FREM2: variants seen among roughly 807,000 people sequenced by gnomAD.
The protein encoded by FREM2 is FRAS1 related extracellular matrix 2, also known as FRAS1-related extracellular matrix protein 2.
Under a neutral mutation model 219.9 loss-of-function variants are expected in FREM2, and 119 were observed. The ratio of observed to expected loss-of-function variants is 0.54; its 90% CI spans 0.47 to 0.63. The LOEUF (loss-of-function observed/expected upper bound fraction) is 0.63, where lower values mean the gene tolerates loss of function less well. Ranked by LOEUF, FREM2 falls within the 30% of genes least tolerant of loss-of-function variation. FREM2 has a pLI of 0.00. For missense variants in FREM2, 4,030 were observed against 3,993.6 expected, an observed-to-expected ratio of 1.01 and a Z score of -0.25; for synonymous variants, 1,562 against 1,522.8, an observed-to-expected ratio of 1.03 and a Z score of -0.60.
intron 2 of FREM2, among the ~76,000 whole-genome samples, chr13:38,703,365 T>A (rs181298832): frequency 4.1e-4 from 62 of 152,294 alleles, no homozygotes; most frequent in South Asian, 1.5e-3. Context: ...GGGGGAAAGA[T>A]GCTAGTGCCT....
At chr13:38,836,292 C>A (rs113378877) in intron 6 of FREM2, among the ~76,000 whole-genome samples, 2 of 152,088 alleles carry the variant, frequency 1.3e-5, no homozygotes, top group African/African-American at 4.8e-5. Context: ...GGGAAGAGGC[C>A]GACTTGATCG....
In FREM2 at chr13:38,692,228, C is replaced by T; in HGVS notation, c.4884C>T (p.Phe1628=). The change falls in exon 1 of 24, where the codon TTC becomes TTT. Residue 1628 remains phenylalanine, a synonymous_variant. Transcript: ENST00000280481. The part of the protein sequence containing the change: ...FTVTDGTHTD[F]YVFPDTVFET... ...TGACTGATGGCACCCATACAGACTT[C>T]TATGTTTTTCCTGATACGGTGTTTG... 1 of 1,614,192 alleles carries T rather than the reference C, an allele frequency of 6.2e-7. No individual in the cohort carries two copies. The highest frequency in any genetic ancestry group is 1.1e-5 in the South Asian group (1 of 91,082).
At position 38,689,544 on chromosome 13, in the gene FREM2, G is replaced by C. The variant is rs145576814; in HGVS notation, c.2200G>C (p.Asp734His). Residue 734 changes from aspartate (D) to histidine (H), a missense_variant, in exon 1 of 24, where the codon GAT becomes CAT. Asp to His is a moderately conservative substitution (Grantham distance 81). Coordinates refer to ENST00000280481, the MANE Select transcript of FREM2 (RefSeq NM_207361.6). Reference protein sequence around the residue: ...KWLRYTDLDTDDRELRYTVTQ... With the variant: ...KWLRYTDLDTHDRELRYTVTQ... ...GCTGCGCTACACTGACCTGGACACA[G>C]ATGACCGAGAACTACGTTACACAGT... 4.3e-6 allele frequency: 7 copies of C among 1,613,780 alleles called. No individual in the cohort carries two copies. The highest frequency in any genetic ancestry group is 2.2e-5 in the East Asian group (1 of 44,862).
At chr13:38,784,514 T>G (rs1249602038) in intron 5 of FREM2, 43 bp from the exon 6 acceptor site, 4 of 1,609,378 alleles carry the variant, frequency 2.5e-6, no homozygotes, top group Non-Finnish European at 3.4e-6. Context: ...TATCTTTGTC[T>G]TATGTTCTAC....
chr13:38,837,518 C>A (rs996700413), intron 6 of FREM2, among the ~76,000 whole-genome samples: 2 of 152,166 alleles, frequency 1.3e-5, no homozygotes, highest in African/African-American at 4.8e-5. Flanking sequence ...TCTTGTTGAT[C>A]TGTCTAATAT....
chr13:38,770,666 C>A (rs1873626642), intron 4 of FREM2, among the ~76,000 whole-genome samples: 1 of 148,846 alleles, frequency 6.7e-6, no homozygotes, highest in South Asian at 2.2e-4. Flanking sequence ...ACCCCACCCA[C>A]CCCCATTTTG....
chr13:38,697,622 G>A, intron 1 of FREM2, 76 bp from the exon 2 acceptor site: 1 of 836,830 alleles, frequency 1.2e-6, no homozygotes, highest in Non-Finnish European at 2.1e-6. Flanking sequence ...AAAACTAATA[G>A]CCAATAAAAT....
At chr13:38,811,400 A>T (rs1264320276) in intron 6 of FREM2, among the ~76,000 whole-genome samples, 1 of 151,876 alleles carries the variant, frequency 6.6e-6, no homozygotes, top group Non-Finnish European at 1.5e-5. Context: ...TAGGTTATTT[A>T]TTTGAAGTTT....
At chr13:38,789,427 T>G (rs1874465403) in intron 6 of FREM2, among the ~76,000 whole-genome samples, 1 of 151,790 alleles carries the variant, frequency 6.6e-6, no homozygotes, top group South Asian at 2.1e-4. Flanking sequence ...ATTTTATTAC[T>G]AATAATGTTC....
chr13:38,775,918 C>T (rs1873852682), intron 4 of FREM2, among the ~76,000 whole-genome samples: 1 of 152,174 alleles, frequency 6.6e-6, no homozygotes, highest in South Asian at 2.1e-4. Flanking sequence ...CACACCTTGC[C>T]CCAAAGATTC....
chr13:38,832,455 A>G (rs1876547153), intron 6 of FREM2, among the ~76,000 whole-genome samples: 2 of 152,174 alleles, frequency 1.3e-5, no homozygotes, highest in Admixed American at 1.3e-4. Context: ...CAAGAAATGT[A>G]TAGCAAAGGA....
Position 38,688,407 on chromosome 13 carries a change from T to C in FREM2, c.1063T>C (p.Leu355=), listed in dbSNP as rs781313229. 29 of 1,613,842 alleles carry C rather than the reference T, an allele frequency of 1.8e-5. No homozygotes were observed. The South Asian group carries it at 2.9e-4, about 16-fold the overall frequency. ...GGATGCTGAGTCTCCCTCTGACCTGTTGATCTTCAACCTTACTTCTCCATT... is the reference window on the plus strand; with the variant it reads ...GGATGCTGAGTCTCCCTCTGACCTGCTGATCTTCAACCTTACTTCTCCATT... The part of the protein sequence containing the change: ...AEDAESPSDL[L]IFNLTSPFQP... Residue 355 remains leucine, a synonymous_variant, in exon 1 of 24, where the codon TTG becomes CTG. Coordinates refer to ENST00000280481, the MANE Select transcript of FREM2 (RefSeq NM_207361.6).
intron 2 of FREM2, among the ~76,000 whole-genome samples, chr13:38,741,092 T>C (rs1872222925): frequency 1.3e-5 from 2 of 152,172 alleles, no homozygotes. Context: ...TGTTACAATG[T>C]AGGAAACTAA....
At chr13:38,769,419 T>C (rs1873564336) in intron 3 of FREM2, among the ~76,000 whole-genome samples, 159 bp from the exon 4 acceptor site, 1 of 152,210 alleles carries the variant, frequency 6.6e-6, no homozygotes, top group Non-Finnish European at 1.5e-5. Context: ...AGTGAAACAC[T>C]TTCATCATCA....
At chr13:38,795,280 C>T (rs1037988880) in intron 6 of FREM2, among the ~76,000 whole-genome samples, 1 of 151,506 alleles carries the variant, frequency 6.6e-6, no homozygotes, top group Non-Finnish European at 1.5e-5. Flanking sequence ...AATGTTCAAG[C>T]CTGTTGTACA....
intron 2 of FREM2, among the ~76,000 whole-genome samples, chr13:38,719,559 T>C (rs1454615201): frequency 1.3e-5 from 2 of 152,180 alleles, no homozygotes; most frequent in African/African-American, 4.8e-5. Context: ...TGTGCTGACT[T>C]TCTGTCTCTC....
At chr13:38,799,855 T>G (rs914933549) in intron 6 of FREM2, among the ~76,000 whole-genome samples, 5 of 152,162 alleles carry the variant, frequency 3.3e-5, no homozygotes, top group Non-Finnish European at 5.9e-5. Flanking sequence ...TGAATCTATA[T>G]GTGTCTTTGA....
At chr13:38,772,306 G>C (rs9548451) in intron 4 of FREM2, among the ~76,000 whole-genome samples, 119,744 of 152,124 alleles carry the variant, frequency 0.79, 48,548 homozygotes, top group Non-Finnish European at 0.9. Context: ...GGATGGGAAA[G>C]AGAGCCCTTT....
chr13:38,819,225 T>C (rs561491374), intron 6 of FREM2, among the ~76,000 whole-genome samples: 1 of 152,070 alleles, frequency 6.6e-6, no homozygotes, highest in Non-Finnish European at 1.5e-5. Flanking sequence ...TTTTTGAAAC[T>C]GTTGATACAA....
Sources: allele counts gnomAD v4.1 joint callset (sites outside exome capture counted in the v4.1 genomes callset), GRCh38; gene constraint gnomAD v4.1.1; transcripts MANE v1.5; gene names NCBI Gene and HGNC (gene_info 2026-07-23, HGNC 2026-07-21).